The following MTSS1 variants were observed in gnomAD, a reference collection of about 807,000 sequenced individuals.
The protein encoded by MTSS1 is protein MTSS 1.
Under a neutral mutation model 79.0 loss-of-function variants are expected in MTSS1, and 18 were observed. The observed-to-expected ratio is 0.23, with a 90% CI of 0.16 to 0.34. The LOEUF (loss-of-function observed/expected upper bound fraction) is 0.34. MTSS1 is among the 10% of genes least tolerant of loss of function. The probability of loss-of-function intolerance (pLI) is 1.00; values close to 1 mark genes in which losing one functional copy is unlikely to be tolerated. For synonymous variants in MTSS1, 341 were observed against 368.6 expected, an observed-to-expected ratio of 0.93 and a Z score of 0.86; for missense variants, 815 against 986.2, an observed-to-expected ratio of 0.83 and a Z score of 2.33.
intron 1 of MTSS1, among the ~76,000 whole-genome samples, chr8:124,711,459 C>A (rs1410119018): frequency 6.6e-6 from 1 of 152,162 alleles, no homozygotes; most frequent in South Asian, 2.1e-4. Flanking sequence ...CCAAGTGTTC[C>A]CTGATTCTGG....
At chr8:124,674,195 A>G (rs1824846994) in intron 3 of MTSS1, among the ~76,000 whole-genome samples, 1 of 152,112 alleles carries the variant, frequency 6.6e-6, no homozygotes, top group Non-Finnish European at 1.5e-5. Flanking sequence ...CAGTGCCACA[A>G]TCTCGGCTCA....
At position 124,555,787 on chromosome 8, in the gene MTSS1, G is replaced by T; in HGVS notation, c.1522C>A (p.Gln508Lys). 1 of 1,613,390 alleles carries T rather than the reference G, an allele frequency of 6.2e-7. No individual in the cohort carries two copies. The highest frequency in any genetic ancestry group is 8.5e-7 in the Non-Finnish European group (1 of 1,179,738). The change falls in exon 13 of 14, where the codon CAG (glutamine) becomes AAG (lysine). Residue 508 changes from glutamine to lysine, a missense_variant. Physicochemically the swap from Gln to Lys is moderately conservative, Grantham distance 53. Transcript: ENST00000518547. ...TCAGAGCAGCAGGGGGTGGTTGTCT[G>T]GGTGCTGTAGCCGCTGGAGCACTGA... ...SLQCSSGYST[Q>K]TTTPCCSEDT...
intron 1 of MTSS1, among the ~76,000 whole-genome samples, chr8:124,722,078 A>G (rs1327108433): frequency 6.6e-6 from 1 of 152,210 alleles, no homozygotes; most frequent in Non-Finnish European, 1.5e-5. Context: ...AGAGAAAGCA[A>G]GCAAATAAAA....
intron 3 of MTSS1, among the ~76,000 whole-genome samples, chr8:124,655,001 G>A (rs1016751534): frequency 2.0e-5 from 3 of 152,192 alleles, no homozygotes; most frequent in Admixed American, 6.5e-5. Context: ...TAATATCAAA[G>A]GCACTCTATT....
intron 2 of MTSS1, among the ~76,000 whole-genome samples, chr8:124,703,487 T>A (rs1829988658): frequency 6.6e-6 from 1 of 152,152 alleles, no homozygotes; most frequent in Non-Finnish European, 1.5e-5. Flanking sequence ...GAGATGGGAT[T>A]TCGCCATGTT....
chr8:124,727,619 A>C lies in MTSS1; in HGVS notation c.72+265T>G. Reference sequence around the variant, plus strand: ...GTGCCTTGAGCCCCCGAGGGAAAGAAATGGTGCCGCCCCCTGGGACAATGA... The same window carrying C: ...GTGCCTTGAGCCCCCGAGGGAAAGACATGGTGCCGCCCCCTGGGACAATGA... On this transcript the variant is annotated intron_variant, in intron 1 of 13. Transcript: ENST00000518547. The surrounding 1 kb of genome is among the most constrained non-coding windows in gnomAD (Gnocchi z 4.7). 1 of 622,810 alleles carries C rather than the reference A, an allele frequency of 1.6e-6. No homozygotes were observed. The highest frequency in any genetic ancestry group is 3.3e-5 in the East Asian group (1 of 29,984). The allele number at this position is 622,810 out of a possible 1,614,324, so 38.6% of individuals were successfully genotyped here.
At chr8:124,659,047 T>C (rs77430149) in intron 3 of MTSS1, among the ~76,000 whole-genome samples, 3,577 of 152,294 alleles carry the variant, frequency 0.023, 137 homozygotes, top group African/African-American at 0.081. Flanking sequence ...CCCAGCAATT[T>C]TGAACTTTGT....
chr8:124,636,873 G>A lies in MTSS1; in HGVS notation c.209-45638C>T, dbSNP rs966710998. Among the ~76,000 whole-genome samples the A allele has an allele frequency of 4.6e-5, 7 of 152,236 alleles. No homozygotes were observed. The East Asian group carries it at 7.7e-4, about 17-fold the overall frequency. On this transcript the variant is annotated intron_variant, in intron 3 of 13. Transcript: ENST00000518547. ...GGAACCAACAGTCAGCATTTGCTGC[G>A]GGCAAGGAGCCAATAGCAACTGACT...
At position 124,557,736 on chromosome 8, in the gene MTSS1, T is replaced by G. The variant is rs1824253760; in HGVS notation, c.1175A>C (p.His392Pro). The change falls in exon 11 of 14, where the codon CAT (histidine) becomes CCT (proline). Residue 392 changes from histidine to proline, a missense_variant. Physicochemically the swap from His to Pro is moderately conservative, Grantham distance 77. Transcript: ENST00000518547. ...CATGCCGGGCCCAATGGTGTAATAA[T>G]GAGCGTAGTCTGGAAGGTGGACAGA... ...VTSVHLPDYA[H>P]YYTIGPGMFP... 6.2e-7 allele frequency: 1 copy of G among 1,601,330 alleles called. No individual in the cohort carries two copies. The highest frequency in any genetic ancestry group is 8.5e-7 in the Non-Finnish European group (1 of 1,174,032).
At chr8:124,602,422 A>C (rs1023277733) in intron 3 of MTSS1, among the ~76,000 whole-genome samples, 5 of 150,638 alleles carry the variant, frequency 3.3e-5, no homozygotes, top group Non-Finnish European at 7.4e-5. Flanking sequence ...CTAGTCTTGA[A>C]CTCCTGGCCT....
chr8:124,552,748 AG>A lies in MTSS1; in HGVS notation c.*243del, dbSNP rs1005252898. 2.2e-5 allele frequency: 10 copies of A among 448,044 alleles called. No individual in the cohort carries two copies. Among genetic ancestry groups the A allele is most frequent in the African/African-American group, 1.8e-4 (9 of 50,992 alleles). The allele number at this position is 448,044 out of a possible 1,614,324, so 27.8% of individuals were successfully genotyped here. A position where few individuals can be genotyped will look rare whatever the true frequency, so the allele number is the denominator to read the frequency against. On this transcript the variant is annotated 3_prime_UTR_variant, in exon 14 of 14. Coordinates refer to ENST00000518547, the MANE Select transcript of MTSS1 (RefSeq NM_014751.6). ...ATTTGGCACCTTCAGAAAAATCAAA[AG>A]GGAAACTAAGATTAAAATGTGCAGA... is the stretch of plus-strand genomic sequence containing the variant.
intron 1 of MTSS1, among the ~76,000 whole-genome samples, chr8:124,719,282 T>C (rs1271415699): frequency 6.6e-6 from 1 of 152,176 alleles, no homozygotes; most frequent in African/African-American, 2.4e-5. Flanking sequence ...GGTTGGAAGA[T>C]TAAATAAGTT....
intron 1 of MTSS1, among the ~76,000 whole-genome samples, chr8:124,713,425 C>G (rs1187402365): frequency 6.6e-6 from 1 of 152,176 alleles, no homozygotes; most frequent in African/African-American, 2.4e-5. Flanking sequence ...ACTCATTCCC[C>G]AATTTTGGGT....
intron 9 of MTSS1, chr8:124,564,626 A>C (rs1177281561): frequency 6.6e-6 from 1 of 151,922 alleles, no homozygotes; most frequent in Admixed American, 6.6e-5. Context: ...AAAAACAGCC[A>C]CGCAACTTTG....
At chr8:124,580,693 C>A in intron 6 of MTSS1, 1 of 1,071,992 alleles carries the variant, frequency 9.3e-7, no homozygotes, top group African/African-American at 1.6e-5. Flanking sequence ...GTCCATGGCT[C>A]GCCACCAAAT....
At chr8:124,697,947 A>G (rs1417433451) in intron 3 of MTSS1, 1 of 152,230 alleles carries the variant, frequency 6.6e-6, no homozygotes, top group Non-Finnish European at 1.5e-5. Flanking sequence ...TCCCCTAGGA[A>G]AAACTCCTTC....
chr8:124,632,887 C>T (rs1332719797), intron 3 of MTSS1, among the ~76,000 whole-genome samples: 3 of 152,098 alleles, frequency 2.0e-5, no homozygotes, highest in Non-Finnish European at 2.9e-5. Context: ...AGGCTGGTCT[C>T]GAACTCCTGA....
chr8:124,680,634 T>C (rs1825976211), intron 3 of MTSS1, among the ~76,000 whole-genome samples: 1 of 152,252 alleles, frequency 6.6e-6, no homozygotes, highest in Non-Finnish European at 1.5e-5. Flanking sequence ...AGTATAGTAT[T>C]AAATACTTCC....
In MTSS1 at chr8:124,728,119, T is replaced by G; in HGVS notation, c.-164A>C. On this transcript the variant is annotated 5_prime_UTR_variant, in exon 1 of 14. Transcript: ENST00000518547. The surrounding 1 kb of genome is among the most constrained non-coding windows in gnomAD (Gnocchi z 6.1). The stretch of plus-strand genomic sequence containing the variant: ...GGGGTGCACCAGACCGACTGTTCTC[T>G]GCCCAAAATAATAACAGTAATTTAA... The G allele has an allele frequency of 3.6e-6, 2 of 552,584 alleles. No individual in the cohort carries two copies. Among genetic ancestry groups the G allele is most frequent in the Non-Finnish European group, 6.3e-6 (2 of 315,824 alleles). 34.2% of individuals were successfully genotyped at this position (552,584 alleles called of 1,614,324 possible).
Sources: allele counts gnomAD v4.1 joint callset (sites outside exome capture counted in the v4.1 genomes callset), GRCh38; gene constraint gnomAD v4.1.1; non-coding constraint Gnocchi (gnomAD v3.1); transcripts MANE v1.5; gene names NCBI Gene and HGNC (gene_info 2026-07-23, HGNC 2026-07-21).